The following GNG2 variants were observed in gnomAD, a reference collection of about 807,000 sequenced individuals.
The protein encoded by GNG2 is guanine nucleotide-binding protein G(I)/G(S)/G(O) subunit gamma-2.
In GNG2, 5 loss-of-function variants were observed where a neutral mutation model predicts 5.5. The ratio of observed to expected loss-of-function variants is 0.91; its 90% CI spans 0.48 to 1.92. GNG2 has a LOEUF of 1.92. GNG2 is among the 30% of genes most tolerant of loss of function. GNG2 has a pLI of 0.01. For synonymous variants in GNG2, 28 were observed against 32.0 expected (o/e 0.88, Z 0.42); for missense variants, 55 against 88.4 (o/e 0.62, Z 1.52).
intron 1 of GNG2, among the ~76,000 whole-genome samples, chr14:51,866,968 G>C (rs1882937916): frequency 6.6e-6 from 1 of 152,138 alleles, no homozygotes; most frequent in Admixed American, 6.5e-5. Context: ...TACTTTCTAA[G>C]GGATTATGTT....
chr14:51,903,859 C>G (rs1885725751), intron 2 of GNG2, among the ~76,000 whole-genome samples: 1 of 152,208 alleles, frequency 6.6e-6, no homozygotes, highest in Non-Finnish European at 1.5e-5. Flanking sequence ...GACCCAAATC[C>G]TAATCAAATA....
At chr14:51,917,894 C>G (rs771144002) in intron 2 of GNG2, among the ~76,000 whole-genome samples, 2 of 151,874 alleles carry the variant, frequency 1.3e-5, no homozygotes, top group African/African-American at 4.8e-5. Context: ...GGCATGGTGG[C>G]GGGCGCCTGT....
intron 1 of GNG2, among the ~76,000 whole-genome samples, chr14:51,871,084 G>GA (rs77566403): frequency 0.055 from 8,379 of 152,080 alleles, 472 homozygotes; most frequent in East Asian, 0.24. Flanking sequence ...GAAAAATTGT[G>GA]AAAAAATTTA....
chr14:51,963,669 C>T (rs982095287), intron 3 of GNG2, among the ~76,000 whole-genome samples: 8 of 152,208 alleles, frequency 5.3e-5, no homozygotes, highest in Admixed American at 3.9e-4. Flanking sequence ...ATGCAGATGG[C>T]TGTGGCTTAA....
At chr14:51,924,750 A>T (rs1887208902) in intron 2 of GNG2, among the ~76,000 whole-genome samples, 1 of 152,232 alleles carries the variant, frequency 6.6e-6, no homozygotes, top group South Asian at 2.1e-4. Context: ...CAAAGCCAGG[A>T]CCTACTGAAA....
intron 2 of GNG2, among the ~76,000 whole-genome samples, chr14:51,882,564 T>C (rs1189138205): frequency 6.6e-6 from 1 of 152,252 alleles, no homozygotes; most frequent in Non-Finnish European, 1.5e-5. Flanking sequence ...TTAAGATGTG[T>C]AGTTTTTGTT....
At chr14:51,863,331 A>G (rs564915973) in intron 1 of GNG2, among the ~76,000 whole-genome samples, 2 of 152,312 alleles carry the variant, frequency 1.3e-5, no homozygotes, top group Admixed American at 6.5e-5. Context: ...CATTGTAAAG[A>G]AGGGCTAGTA....
chr14:51,954,736 A>AT (rs932649820), intron 3 of GNG2, among the ~76,000 whole-genome samples: 2 of 152,068 alleles, frequency 1.3e-5, no homozygotes, highest in African/African-American at 4.8e-5. Context: ...GGAAGAAGGG[A>AT]TTTTTAGCTG....
At chr14:51,885,140 T>C (rs2043053353) in intron 2 of GNG2, among the ~76,000 whole-genome samples, 1 of 152,216 alleles carries the variant, frequency 6.6e-6, no homozygotes, top group Admixed American at 6.5e-5. Flanking sequence ...CCCAAGCTAA[T>C]TCAAGTTGTG....
At chr14:51,941,465 A>T (rs1888313207) in intron 2 of GNG2, among the ~76,000 whole-genome samples, 1 of 152,246 alleles carries the variant, frequency 6.6e-6, no homozygotes, top group Non-Finnish European at 1.5e-5. Context: ...ACAAAACAAA[A>T]TCTCTCAGCA....
chr14:51,963,781 A>C (rs1449053356), intron 3 of GNG2, among the ~76,000 whole-genome samples: 3 of 152,240 alleles, frequency 2.0e-5, no homozygotes, highest in African/African-American at 7.2e-5. Context: ...TCATCTATAA[A>C]AAGAGGATAA....
chr14:51,960,926 A>G (rs1355689866), intron 3 of GNG2, among the ~76,000 whole-genome samples: 1 of 152,146 alleles, frequency 6.6e-6, no homozygotes, highest in Non-Finnish European at 1.5e-5. Flanking sequence ...TGTGCCAATC[A>G]GTATTCAGCC....
At chr14:51,916,471 C>T (rs1886636610) in intron 2 of GNG2, 1 of 453,210 alleles carries the variant, frequency 2.2e-6, no homozygotes, top group Non-Finnish European at 4.4e-6. Flanking sequence ...AGTGTTATAA[C>T]ATCTCAAAGT....
At chr14:51,966,516 T>C in intron 3 of GNG2, 43 bp from the exon 4 acceptor site, 2 of 1,595,778 alleles carry the variant, frequency 1.3e-6, no homozygotes, top group Non-Finnish European at 1.7e-6. Flanking sequence ...CTTGACTGAC[T>C]GTACCAGACT....
intron 3 of GNG2, among the ~76,000 whole-genome samples, chr14:51,956,796 C>T (rs185497054): frequency 1.3e-5 from 2 of 152,230 alleles, no homozygotes; most frequent in African/African-American, 4.8e-5. Flanking sequence ...TTTGCAACAT[C>T]GATTTTAAGA....
chr14:51,941,959 T>C (rs1239397474), intron 2 of GNG2, among the ~76,000 whole-genome samples: 2 of 152,244 alleles, frequency 1.3e-5, no homozygotes, highest in Non-Finnish European at 2.9e-5. Context: ...ATTCTATCAA[T>C]CTCTTATACA....
rs775605464 is a variant in GNG2, at chr14:51,920,466, G to A, written c.-29-30184G>A. Among the ~76,000 whole-genome samples the A allele has an allele frequency of 5.3e-5, 8 of 151,876 alleles. 1 individual carries two copies. The highest frequency in any genetic ancestry group is 3.9e-4 in the East Asian group (2 of 5,176). On this transcript the variant is annotated intron_variant, in intron 2 of 3. Coordinates refer to ENST00000556766, the MANE Select transcript of GNG2 (RefSeq NM_053064.5). Reference sequence around the variant, plus strand: ...AAGTCTGTACATATTCAGTACAGACGTAACCATCCATTTTTTCCAAATATT... The same window carrying A: ...AAGTCTGTACATATTCAGTACAGACATAACCATCCATTTTTTCCAAATATT...
chr14:51,936,658 T>C (rs1181165927), intron 2 of GNG2, among the ~76,000 whole-genome samples: 1 of 151,994 alleles, frequency 6.6e-6, no homozygotes, highest in African/African-American at 2.4e-5. Flanking sequence ...CCAGCGATCC[T>C]TCTGTCTCAG....
intron 2 of GNG2, chr14:51,913,973 A>G: frequency 2.1e-6 from 1 of 487,578 alleles, no homozygotes; most frequent in East Asian, 3.4e-5. Context: ...ATATATGAAA[A>G]ACAATGGGAA....
Sources: gnomAD v4.1 joint callset for allele counts (sites outside exome capture counted in the v4.1 genomes callset) on GRCh38, gnomAD v4.1.1 for gene constraint, MANE v1.5 for transcripts, NCBI Gene and HGNC (gene_info 2026-07-23, HGNC 2026-07-21) for gene names.